The following ZPLD1 variants were observed in gnomAD, a reference collection of about 807,000 sequenced individuals.
ZPLD1 encodes zona pellucida-like domain-containing protein 1.
A neutral mutation model predicts 47.2 loss-of-function variants in ZPLD1; 34 were observed. The observed-to-expected ratio is 0.72, with a 90% CI of 0.55 to 0.96. The LOEUF (loss-of-function observed/expected upper bound fraction) is 0.96, where lower values mean the gene tolerates loss of function less well. ZPLD1 is among the 40% of genes least tolerant of loss of function. The probability of loss-of-function intolerance (pLI) is 0.00; values close to 1 mark genes in which losing one functional copy is unlikely to be tolerated. For missense variants in ZPLD1, 512 were observed against 505.8 expected (o/e 1.01, Z -0.12); for synonymous variants, 176 against 186.2 (o/e 0.95, Z 0.45).
At chr3:102,444,024 A>T (rs1196188658) in intron 3 of ZPLD1, among the ~76,000 whole-genome samples, 2 of 152,266 alleles carry the variant, frequency 1.3e-5, no homozygotes, top group Non-Finnish European at 2.9e-5. Context: ...ATTAATTTAC[A>T]ATGATAAAGT....
chr3:102,403,796 G>A (rs1185369118), intron 7 of ZPLD1, among the ~76,000 whole-genome samples: 2 of 151,810 alleles, frequency 1.3e-5, no homozygotes, highest in Admixed American at 6.6e-5. Flanking sequence ...AGTAACAGGC[G>A]GTGTGAATTG....
chr3:102,429,270 A>G (rs1706987149), intron 8 of ZPLD1, among the ~76,000 whole-genome samples: 1 of 152,118 alleles, frequency 6.6e-6, no homozygotes, highest in Admixed American at 6.5e-5. Context: ...TGCAGCTTTT[A>G]ATATTTGATT....
intron 8 of ZPLD1, among the ~76,000 whole-genome samples, chr3:102,420,442 GT>G (rs1323603654): frequency 5.3e-5 from 8 of 151,898 alleles, no homozygotes; most frequent in African/African-American, 1.9e-4. Context: ...CTTAGTTTTT[GT>G]TGGTCTCTGT....
chr3:102,454,894 T>C (rs1470102438), intron 4 of ZPLD1, among the ~76,000 whole-genome samples: 1 of 152,344 alleles, frequency 6.6e-6, no homozygotes, highest in East Asian at 1.9e-4. Flanking sequence ...TGTATGTATG[T>C]ATTTTATTTT....
At chr3:102,422,861 C>T (rs1189425431) in intron 8 of ZPLD1, among the ~76,000 whole-genome samples, 2 of 151,880 alleles carry the variant, frequency 1.3e-5, no homozygotes, top group African/African-American at 4.8e-5. Context: ...GGAGCTTTCT[C>T]CTGAGTGGTG....
chr3:102,472,611 A>G (rs1342691771), intron 10 of ZPLD1, among the ~76,000 whole-genome samples: 1 of 152,086 alleles, frequency 6.6e-6, no homozygotes, highest in Non-Finnish European at 1.5e-5. Flanking sequence ...GAAATGGCTC[A>G]TAGAATTACA....
intron 8 of ZPLD1, among the ~76,000 whole-genome samples, chr3:102,421,065 C>A (rs1461562394): frequency 6.6e-6 from 1 of 151,820 alleles, no homozygotes; most frequent in Non-Finnish European, 1.5e-5. Flanking sequence ...TAACTTGAAC[C>A]TTTCACTAAC....
At chr3:102,477,390 G>T in intron 11 of ZPLD1, 53 bp from the exon 12 acceptor site, 1 of 1,561,592 alleles carries the variant, frequency 6.4e-7, no homozygotes, top group Non-Finnish European at 8.7e-7. Flanking sequence ...GGGTCAAGGT[G>T]AGATAAATAT....
chr3:102,442,832 C>T (rs532783213), intron 3 of ZPLD1, among the ~76,000 whole-genome samples: 1 of 136,852 alleles, frequency 7.3e-6, no homozygotes, highest in Non-Finnish European at 1.5e-5. Flanking sequence ...TGGTCTAATT[C>T]ATTTAAATTT....
At chr3:102,463,239 G>A (rs1430637408) in intron 7 of ZPLD1, among the ~76,000 whole-genome samples, 1 of 152,122 alleles carries the variant, frequency 6.6e-6, no homozygotes, top group Non-Finnish European at 1.5e-5. Flanking sequence ...TGTGCCTCAT[G>A]GCTTTCTTCA....
In ZPLD1 at chr3:102,418,876, A is replaced by G. The variant is rs78285778; in HGVS notation, c.-9+669A>G. Among the ~76,000 whole-genome samples, 1,144 of 152,180 alleles carry G rather than the reference A, an allele frequency of 7.5e-3. 17 individuals are homozygous for G. The highest frequency in any genetic ancestry group is 0.026 in the African/African-American group (1,084 of 41,554). ...ATAACCTGGGAGAAGTTATCTGTGAATAAGGGGAAACACTGTGATTTCCAT... is the reference window on the plus strand; with the variant it reads ...ATAACCTGGGAGAAGTTATCTGTGAGTAAGGGGAAACACTGTGATTTCCAT... On this transcript the variant is annotated intron_variant, in intron 8 of 17. Transcript: ENST00000491959.
At chr3:102,442,086 GT>G (rs1195532776) in intron 3 of ZPLD1, among the ~76,000 whole-genome samples, 1 of 152,064 alleles carries the variant, frequency 6.6e-6, no homozygotes, top group Non-Finnish European at 1.5e-5. Flanking sequence ...ATCCTATCTA[GT>G]TTTCAAAAGG....
At chr3:102,405,496 G>A (rs1706671747) in intron 7 of ZPLD1, among the ~76,000 whole-genome samples, 2 of 151,966 alleles carry the variant, frequency 1.3e-5, no homozygotes, top group Admixed American at 1.3e-4. Flanking sequence ...AAGGCTTGAG[G>A]TCATGTGGTA....
chr3:102,454,394 T>C (rs1576157408), intron 4 of ZPLD1, among the ~76,000 whole-genome samples: 1 of 152,292 alleles, frequency 6.6e-6, no homozygotes, highest in East Asian at 1.9e-4. Context: ...TATGTGGAGA[T>C]GAGCAGCATT....
At chr3:102,388,007 C>T (rs564715651) in intron 6 of ZPLD1, among the ~76,000 whole-genome samples, 1 of 152,046 alleles carries the variant, frequency 6.6e-6, no homozygotes, top group Non-Finnish European at 1.5e-5. Context: ...ACTACAGGCG[C>T]CCGCCACCAC....
chr3:102,467,501 A>G lies in ZPLD1; in HGVS notation c.762-1463A>G, dbSNP rs572837700. ...GACACATAGACAAAAGTCACAGAAC[A>G]GTAAACTGAGAAATAGATCCCCAAA... is the stretch of plus-strand genomic sequence containing the variant. On this transcript the variant is annotated intron_variant, in intron 8 of 11. Transcript: ENST00000466937. 1.2e-4 allele frequency among the ~76,000 whole-genome samples: 18 copies of G among 152,282 alleles called. No individual in the cohort carries two copies. In the South Asian group the frequency reaches 3.5e-3, roughly 30 times the overall value.
chr3:102,385,955 C>T lies in ZPLD1; in HGVS notation c.-213+638C>T, dbSNP rs151049851. Among the ~76,000 whole-genome samples, 190 of 152,332 alleles carry T rather than the reference C, an allele frequency of 1.2e-3. 1 individual carries two copies. The highest frequency in any genetic ancestry group is 4.3e-3 in the African/African-American group (178 of 41,568). On this transcript the variant is annotated intron_variant, in intron 6 of 17. Transcript: ENST00000491959. ...CTTGTCTGGTTCCCAGAAATGTCAA[C>T]TTCAACCTCTCTGCTCTCCACTGGA... is the stretch of plus-strand genomic sequence containing the variant.
chr3:102,464,348 T>C, intron 8 of ZPLD1, 97 bp downstream of exon 8: 1 of 806,014 alleles, frequency 1.2e-6, no homozygotes, highest in Admixed American at 2.7e-5. Context: ...TAAAGCACTA[T>C]TATAGCTTTT....
chr3:102,435,932 A>T (rs1461379486), intron 1 of ZPLD1, among the ~76,000 whole-genome samples: 1 of 152,134 alleles, frequency 6.6e-6, no homozygotes, highest in African/African-American at 2.4e-5. Flanking sequence ...GTGAGCCACC[A>T]CGCCTGGCCA....
Sources: allele counts gnomAD v4.1 joint callset (sites outside exome capture counted in the v4.1 genomes callset), GRCh38; gene constraint gnomAD v4.1.1; transcripts MANE v1.5; gene names NCBI Gene and HGNC (gene_info 2026-07-23, HGNC 2026-07-21).